Variants in ATP8B3 observed in about 807,000 individuals in gnomAD.
ATP8B3 encodes ATPase phospholipid transporting 8B3.
ATP8B3 carries 141 observed loss-of-function variants against 140.9 expected under a neutral mutation model. That is an observed-to-expected ratio of 1.00 (90% CI 0.87 to 1.15). ATP8B3 has a LOEUF of 1.15. Ranked by LOEUF, ATP8B3 falls within the 50% of genes most tolerant of loss-of-function variation. The pLI, the probability that ATP8B3 is intolerant of heterozygous loss-of-function variation, is 0.00. For missense variants in ATP8B3, 1,874 were observed against 1,740.6 expected, an observed-to-expected ratio of 1.08 and a Z score of -1.36; for synonymous variants, 765 against 714.6, an observed-to-expected ratio of 1.07 and a Z score of -1.13.
chr19:1,788,902 C>T lies in ATP8B3; in HGVS notation c.3064G>A (p.Gly1022Ser), dbSNP rs568335052. 12 of 1,589,028 alleles carry T rather than the reference C, an allele frequency of 7.6e-6. No homozygotes were observed. In the African/African-American group the frequency reaches 1.1e-4, roughly 14 times the overall value. ...AGCCAGGGTGGGGGACGCACCTGGC[C>T]GGTGAAGCCGTTGTAGCAGGCAAAC... ...VWFACYNGFT[G>S]QPLYEGWFLA... Residue 1022 changes from glycine to serine, a missense_variant, in exon 24 of 29, where the codon GGC becomes AGC. By Grantham distance (56) the Gly-to-Ser change is moderately conservative. Coordinates refer to ENST00000310127, the MANE Select transcript of ATP8B3 (RefSeq NM_138813.4).
Position 1,794,296 on chromosome 19 carries a change from C to T in ATP8B3, c.2055+1579G>A, listed in dbSNP as rs2068604219. ...CTCCGACAGGCCTTGACCCTTCTTC[C>T]GGCCTCAATTTACCCATCCATTCCC... On this transcript the variant is annotated intron_variant, in intron 18 of 28. Coordinates refer to ENST00000310127, the MANE Select transcript of ATP8B3 (RefSeq NM_138813.4). The surrounding 1 kb of genome is among the most constrained non-coding windows in gnomAD (Gnocchi z 4.8). 6.6e-6 allele frequency among the ~76,000 whole-genome samples: 1 copy of T among 152,180 alleles called. No individual in the cohort carries two copies. Among genetic ancestry groups the T allele is most frequent in the Non-Finnish European group, 1.5e-5 (1 of 68,030 alleles).
In ATP8B3 at chr19:1,800,485, C is replaced by T. The variant is rs371532234; in HGVS notation, c.1153-36G>A. The T allele has an allele frequency of 2.8e-5, 20 of 717,420 alleles. No individual in the cohort carries two copies. The highest frequency in any genetic ancestry group is 4.3e-5 in the East Asian group (1 of 23,312). The allele number at this position is 717,420 out of a possible 1,614,324, so 44.4% of individuals were successfully genotyped here. A position where few individuals can be genotyped will look rare whatever the true frequency, so the allele number is the denominator to read the frequency against. ...GACGCGACAGGGTGGGTGAGGGGGG[C>T]GGGGGTCCCCCACTCTGCCATCAGG... On this transcript the variant is annotated intron_variant, in intron 12 of 28. Coordinates refer to ENST00000310127, the MANE Select transcript of ATP8B3 (RefSeq NM_138813.4). The surrounding 1 kb of genome is among the most constrained non-coding windows in gnomAD (Gnocchi z 4.4).
At position 1,785,235 on chromosome 19, in the gene ATP8B3, A is replaced by G; in HGVS notation, c.3456T>C (p.Gly1152=). The stretch of plus-strand genomic sequence containing the variant: ...TGGTGGTAGTCATGATGGCGTAGAA[A>G]CCAAGGCTGAGGAGGATGGTCGCCA... ...LCVATILLSL[G]FYAIMTTTTQ... is the part of the protein sequence containing the mutation. The change falls in exon 27 of 29, where the codon GGT becomes GGC. Residue 1152 remains glycine, a synonymous_variant. Transcript: ENST00000310127. 2 of 1,609,450 alleles carry G rather than the reference A, an allele frequency of 1.2e-6. No homozygotes were observed. The highest frequency in any genetic ancestry group is 1.7e-6 in the Non-Finnish European group (2 of 1,177,872).
chr19:1,796,275 A>AG lies in ATP8B3; in HGVS notation c.1754-11dup, dbSNP rs368884314. The AG allele has an allele frequency of 1.6e-3, 2,496 of 1,599,812 alleles. 65 individuals carry two copies. In the South Asian group the frequency reaches 0.025, roughly 16 times the overall value. ...TGGTACAACAGCTGGTCTGGTAGGG[A>AG]GGGGGGCCATTTTGGGGTCACGTGG... is the stretch of plus-strand genomic sequence containing the variant. On this transcript the variant is annotated splice_polypyrimidine_tract_variant and intron_variant, in intron 16 of 28. Transcript: ENST00000310127.
In ATP8B3 at chr19:1,787,112, G is replaced by C; in HGVS notation, c.3144C>G (p.Leu1048=). ...YSTLPVLYIG[L]FEQDVSAEQS... ...GCCTTGCCCTGCTCACCTGCTCAAA[G>C]AGCCCAATGTAGAGAACTGGCAGGG... is the stretch of plus-strand genomic sequence containing the variant. The change falls in exon 25 of 29, where the codon CTC becomes CTG. Residue 1048 remains leucine (L), a synonymous_variant. Transcript: ENST00000310127. The C allele has an allele frequency of 6.2e-7, 1 of 1,604,802 alleles. No homozygotes were observed. The highest frequency in any genetic ancestry group is 8.5e-7 in the Non-Finnish European group (1 of 1,175,392).
rs144151142 is a variant in ATP8B3, at chr19:1,795,239, T to C, written c.2055+636A>G. 7.2e-3 allele frequency among the ~76,000 whole-genome samples: 994 copies of C among 138,736 alleles called. 10 individuals are homozygous for C. The highest frequency in any genetic ancestry group is 6.0e-3 in the Non-Finnish European group (382 of 63,196). The allele number at this position is 138,736 out of a possible 152,430, so 91.0% of individuals were successfully genotyped here. On this transcript the variant is annotated intron_variant, in intron 18 of 28. Coordinates refer to ENST00000310127, the MANE Select transcript of ATP8B3 (RefSeq NM_138813.4). ...CATTGCACTCCAGCCTGGGCAACAGTGCAAGACTCCCTCTCAAAAAAGAAA... is the reference window on the plus strand; with the variant it reads ...CATTGCACTCCAGCCTGGGCAACAGCGCAAGACTCCCTCTCAAAAAAGAAA...
At chr19:1,790,687 A>T in intron 21 of ATP8B3, 70 bp downstream of exon 21, 1 of 1,149,542 alleles carries the variant, frequency 8.7e-7, no homozygotes, top group East Asian at 4.6e-5. Context: ...CCAGTGAGAC[A>T]CGCACCTGGG....
chr19:1,792,678 G>A lies in ATP8B3; in HGVS notation c.2056-543C>T, dbSNP rs918008851. 3.3e-5 allele frequency among the ~76,000 whole-genome samples: 5 copies of A among 151,974 alleles called. No homozygotes were observed. The East Asian group carries it at 5.8e-4, about 18-fold the overall frequency. On this transcript the variant is annotated intron_variant, in intron 18 of 28. Coordinates refer to ENST00000310127, the MANE Select transcript of ATP8B3 (RefSeq NM_138813.4). Reference sequence around the variant, plus strand: ...TGTAATCCCAGCACTTTGGGAGGCCGAGGCAGGCGGATCACTTGAGGCCAG... The same window carrying A: ...TGTAATCCCAGCACTTTGGGAGGCCAAGGCAGGCGGATCACTTGAGGCCAG...
rs534964518 is a variant in ATP8B3 at position 1,806,124 on chromosome 19, G to A, written c.723C>T (p.Val241=). 8.2e-5 allele frequency: 131 copies of A among 1,603,628 alleles called. 1 individual carries two copies. The South Asian group carries it at 1.4e-3, about 17-fold the overall frequency. ...KWQDLCVGDV[V]CLRKDNIVPA... ...GGACGATGTTGTCCTTGCGGAGACA[G>A]ACCACATCCCCCACGCACAGATCCT... The change falls in exon 8 of 29, where the codon GTC becomes GTT. Residue 241 remains valine (V), a synonymous_variant. Coordinates refer to ENST00000310127, the MANE Select transcript of ATP8B3 (RefSeq NM_138813.4). This position sits in a 1 kb window ranked among gnomAD's most constrained non-coding sequence, Gnocchi z 5.6.
Position 1,799,463 on chromosome 19 carries a change from G to A in ATP8B3, c.1552+484C>T, listed in dbSNP as rs8112313. 5.6e-3 allele frequency: 1,129 copies of A among 202,232 alleles called. 18 individuals are homozygous for A. Among genetic ancestry groups the A allele is most frequent in the African/African-American group, 0.028 (1,081 of 38,624 alleles). The allele number at this position is 202,232 out of a possible 1,614,324, so 12.5% of individuals were successfully genotyped here. ...AACGAGAGCAAAACTCCGTCTCAGA[G>A]AGAAAAAAAAAAAAAAAGTCGGCCG... On this transcript the variant is annotated intron_variant, in intron 14 of 28. Transcript: ENST00000310127.
At position 1,804,533 on chromosome 19, in the gene ATP8B3, A is replaced by G. The variant is rs530168596; in HGVS notation, c.904+841T>C. Among the ~76,000 whole-genome samples, 1,120 of 151,974 alleles carry G rather than the reference A, an allele frequency of 7.4e-3. 9 individuals carry two copies. Among genetic ancestry groups the G allele is most frequent in the Non-Finnish European group, 0.013 (891 of 67,934 alleles). On this transcript the variant is annotated intron_variant, in intron 10 of 28. Coordinates refer to ENST00000310127, the MANE Select transcript of ATP8B3 (RefSeq NM_138813.4). ...TGAGGCAGGAGAATGGCGTGAACCCAGGAGGCGGAGCTTGCAGTGAGCCGA... is the reference window on the plus strand; with the variant it reads ...TGAGGCAGGAGAATGGCGTGAACCCGGGAGGCGGAGCTTGCAGTGAGCCGA...
In ATP8B3 at chr19:1,794,911, G is replaced by A. The variant is rs905320334; in HGVS notation, c.2055+964C>T. ...CTTTGGAGCAGACGGAGCTGAGTGT[G>A]TCCTGGCAGCTGGGCCAGCTCAACC... On this transcript the variant is annotated intron_variant, in intron 18 of 28. Transcript: ENST00000310127. This position sits in a 1 kb window ranked among gnomAD's most constrained non-coding sequence, Gnocchi z 4.8. Among the ~76,000 whole-genome samples the A allele has an allele frequency of 6.6e-6, 1 of 152,200 alleles. No individual in the cohort carries two copies. Among genetic ancestry groups the A allele is most frequent in the Non-Finnish European group, 1.5e-5 (1 of 68,026 alleles).
chr19:1,797,468 T>TTA (rs1480911764), intron 14 of ATP8B3, among the ~76,000 whole-genome samples: 1 of 142,462 alleles, frequency 7.0e-6, no homozygotes, highest in African/African-American at 2.6e-5. Context: ...TCTTTTTTAT[T>TTA]TTTATTTATT....
rs750964156 is a variant in ATP8B3 at position 1,805,970 on chromosome 19, T to C, written c.751-12A>G. ...AAGAGCATGTCGGCCTGGTGTGGAG[T>C]GGGGGGCAGCGTTGCAAGAGGGGAT... On this transcript the variant is annotated splice_polypyrimidine_tract_variant and intron_variant, in intron 8 of 28. Coordinates refer to ENST00000310127, the MANE Select transcript of ATP8B3 (RefSeq NM_138813.4). The surrounding 1 kb of genome is among the most constrained non-coding windows in gnomAD (Gnocchi z 5.2). 6.2e-7 allele frequency: 1 copy of C among 1,610,426 alleles called. No individual in the cohort carries two copies. Among genetic ancestry groups the C allele is most frequent in the Non-Finnish European group, 8.5e-7 (1 of 1,179,264 alleles).
intron 1 of ATP8B3, 61 bp from the exon 2 acceptor site, chr19:1,811,945 G>T: frequency 1.7e-6 from 1 of 601,084 alleles, no homozygotes; most frequent in Admixed American, 3.2e-5. Context: ...TAACTGGGAT[G>T]CCCCATTACT....
intron 25 of ATP8B3, 71 bp from the exon 26 acceptor site, chr19:1,785,779 C>G (rs778450977): frequency 1.3e-6 from 2 of 1,484,686 alleles, no homozygotes; most frequent in East Asian, 5.1e-5. Flanking sequence ...AGGATCTCCT[C>G]GGGCAGGCCA....
intron 4 of ATP8B3, among the ~76,000 whole-genome samples, chr19:1,809,425 G>A (rs903567278): frequency 6.6e-6 from 1 of 151,646 alleles, no homozygotes; most frequent in African/African-American, 2.4e-5. Flanking sequence ...AGGTTGCAGT[G>A]AGCCGAGATG....
chr19:1,787,012 C>G, intron 25 of ATP8B3, 91 bp downstream of exon 25: 1 of 1,293,008 alleles, frequency 7.7e-7, no homozygotes, highest in Non-Finnish European at 1.1e-6. Flanking sequence ...TGAAGGTCTC[C>G]CAGGCTCCCT....
At chr19:1,809,134 A>G (rs2069112333) in intron 4 of ATP8B3, among the ~76,000 whole-genome samples, 2 of 152,044 alleles carry the variant, frequency 1.3e-5, no homozygotes, top group Admixed American at 1.3e-4. Context: ...AGATCTCGCC[A>G]CTGCATTCCA....
Sources: gnomAD v4.1 joint callset for allele counts (sites outside exome capture counted in the v4.1 genomes callset) on GRCh38, gnomAD v4.1.1 for gene constraint, Gnocchi (gnomAD v3.1) non-coding constraint, MANE v1.5 for transcripts, NCBI Gene and HGNC (gene_info 2026-07-23, HGNC 2026-07-21) for gene names.